The following ZC3H12B variants were observed in gnomAD, a reference collection of about 807,000 sequenced individuals.
ZC3H12B encodes probable ribonuclease ZC3H12B.
ZC3H12B carries 7 observed loss-of-function variants against 43.9 expected under a neutral mutation model. The ratio of observed to expected loss-of-function variants is 0.16; its 90% CI spans 0.09 to 0.30. The LOEUF is 0.30. ZC3H12B is among the 10% of genes least tolerant of loss of function. The pLI, the probability that ZC3H12B is intolerant of heterozygous loss-of-function variation, is 1.00. For synonymous variants in ZC3H12B, 222 were observed against 241.7 expected (o/e 0.92, Z 0.76); for missense variants, 475 against 670.2 (o/e 0.71, Z 3.22).
At chrX:65,173,766 T>G in the ZC3H12B span, among the ~76,000 whole-genome samples, 1 of 111,951 alleles carries the variant, frequency 8.9e-6, no homozygotes, top group South Asian at 3.7e-4. Flanking sequence ...ATCCCAGGGA[T>G]GAAGCCAGCT....
At chrX:65,436,347 G>T in intron 3 of ZC3H12B, among the ~76,000 whole-genome samples, 1 of 112,295 alleles carries the variant, frequency 8.9e-6, no homozygotes, top group Non-Finnish European at 1.9e-5. Context: ...AAGGCCCAAT[G>T]TCCAAAGGTA....
the ZC3H12B span, among the ~76,000 whole-genome samples, chrX:65,129,871 G>T: frequency 1.8e-5 from 2 of 110,790 alleles, no homozygotes; most frequent in African/African-American, 3.3e-5. Flanking sequence ...GGAAGATTTT[G>T]TGGTAAGGGG....
the ZC3H12B span, among the ~76,000 whole-genome samples, chrX:65,154,885 G>T: frequency 9.0e-6 from 1 of 111,133 alleles, no homozygotes; most frequent in African/African-American, 3.3e-5. Context: ...TCACCATTAA[G>T]TAATGATATT....
chrX:65,393,135 G>C (rs895972001), intron 2 of ZC3H12B, among the ~76,000 whole-genome samples: 1 of 110,818 alleles, frequency 9.0e-6, no homozygotes, highest in African/African-American at 3.3e-5. Context: ...CCTCTGCCTA[G>C]GAAAACCAGA....
At chrX:65,223,371 C>G in the ZC3H12B span, among the ~76,000 whole-genome samples, 2 of 111,200 alleles carry the variant, frequency 1.8e-5, no homozygotes, top group Non-Finnish European at 3.8e-5. Context: ...TGTAAAAATT[C>G]TGGGAGATAA....
the ZC3H12B span, among the ~76,000 whole-genome samples, chrX:65,091,120 C>T: frequency 2.7e-5 from 3 of 111,601 alleles, no homozygotes; most frequent in Non-Finnish European, 5.6e-5. Flanking sequence ...TTCTTTATAG[C>T]AATGCAAGAA....
At chrX:65,105,316 A>G in the ZC3H12B span, among the ~76,000 whole-genome samples, 1 of 110,942 alleles carries the variant, frequency 9.0e-6, no homozygotes, top group Non-Finnish European at 1.9e-5. Context: ...GGGGCTTAAA[A>G]CCTAAATGAC....
At chrX:65,212,118 A>G in the ZC3H12B span, among the ~76,000 whole-genome samples, 5 of 58,353 alleles carry the variant, frequency 8.6e-5, no homozygotes, top group Non-Finnish European at 1.4e-4. Flanking sequence ...TATAATATAT[A>G]GTATATAATA....
At chrX:65,089,295 G>A in the ZC3H12B span, among the ~76,000 whole-genome samples, 4 of 111,800 alleles carry the variant, frequency 3.6e-5, no homozygotes, top group African/African-American at 6.5e-5. Context: ...ATTGCTCCTA[G>A]GCTACAAACC....
the ZC3H12B span, among the ~76,000 whole-genome samples, chrX:65,042,702 G>A: frequency 8.9e-6 from 1 of 111,965 alleles, no homozygotes; most frequent in African/African-American, 3.2e-5. Flanking sequence ...TCTTGATTAA[G>A]GATTTTTGGT....
At chrX:65,349,874 C>CA in the ZC3H12B span, among the ~76,000 whole-genome samples, 4 of 110,574 alleles carry the variant, frequency 3.6e-5, no homozygotes, top group South Asian at 3.8e-4. Flanking sequence ...GCCTAACAAC[C>CA]AAAAAAAAGT....
At chrX:65,335,939 A>ATTTTTG in the ZC3H12B span, among the ~76,000 whole-genome samples, 1 of 111,614 alleles carries the variant, frequency 9.0e-6, no homozygotes, top group Non-Finnish European at 1.9e-5. Context: ...TTGTTTGTTT[A>ATTTTTG]TTTTTGTTTT....
At chrX:65,362,419 A>G (rs207478379), upstream of ZC3H12B, among the ~76,000 whole-genome samples, 2 of 110,911 alleles carry the variant, frequency 1.8e-5, no homozygotes, top group African/African-American at 6.6e-5. Flanking sequence ...GTTCTTTTAT[A>G]CACTCCTTTT....
chrX:65,381,030 C>T (rs924862719), intron 2 of ZC3H12B, among the ~76,000 whole-genome samples: 1 of 111,316 alleles, frequency 9.0e-6, no homozygotes, highest in Non-Finnish European at 1.9e-5. Flanking sequence ...CCACTGTCAA[C>T]ATTGACAGAT....
the ZC3H12B span, among the ~76,000 whole-genome samples, chrX:65,358,019 T>TA: frequency 0.12 from 10,475 of 90,390 alleles, 1,375 homozygotes; most frequent in African/African-American, 0.35. Context: ...AAATGGAAAG[T>TA]AAAAAAAAAA....
chrX:65,449,562 T>C (rs1569412477), intron 3 of ZC3H12B, among the ~76,000 whole-genome samples: 2 of 110,238 alleles, frequency 1.8e-5, no homozygotes, highest in Non-Finnish European at 3.8e-5. Flanking sequence ...GAGGTTGCAG[T>C]GAACCAAGAT....
chrX:65,179,697 A>T, the ZC3H12B span, among the ~76,000 whole-genome samples: 5 of 111,852 alleles, frequency 4.5e-5, no homozygotes, highest in African/African-American at 1.6e-4. Context: ...TCATCAGAGA[A>T]TACTATAAAA....
the ZC3H12B span, among the ~76,000 whole-genome samples, chrX:65,060,513 C>T: frequency 8.9e-6 from 1 of 112,151 alleles, no homozygotes; most frequent in Non-Finnish European, 1.9e-5. Flanking sequence ...GATTGGTTTG[C>T]ATATGTTGAA....
chrX:65,166,235 C>T, the ZC3H12B span, among the ~76,000 whole-genome samples: 1 of 110,704 alleles, frequency 9.0e-6, no homozygotes, highest in African/African-American at 3.3e-5. Context: ...TGATGTTCCC[C>T]ACCCTGTGTC....
Sources: gnomAD v4.1 joint callset for allele counts (sites outside exome capture counted in the v4.1 genomes callset) on GRCh38, gnomAD v4.1.1 for gene constraint, MANE v1.5 for transcripts, NCBI Gene and HGNC (gene_info 2026-07-23, HGNC 2026-07-21) for gene names.